The following DPP10 variants were observed in gnomAD, a reference collection of about 807,000 sequenced individuals.
The protein encoded by DPP10 is inactive dipeptidyl peptidase 10.
In DPP10, 33 loss-of-function variants were observed where a neutral mutation model predicts 120.9. The observed-to-expected ratio is 0.27, with a 90% CI of 0.21 to 0.37. DPP10 has a LOEUF of 0.37. DPP10 is among the 10% of genes least tolerant of loss of function. The probability of loss-of-function intolerance (pLI) is 1.00; values close to 1 mark genes in which losing one functional copy is unlikely to be tolerated. For missense variants in DPP10, 816 were observed against 942.8 expected, an observed-to-expected ratio of 0.87 and a Z score of 1.76; for synonymous variants, 337 against 326.1, an observed-to-expected ratio of 1.03 and a Z score of -0.36.
chr2:115,111,753 TC>T (rs1024927772), intron 1 of DPP10, among the ~76,000 whole-genome samples: 20 of 152,186 alleles, frequency 1.3e-4, no homozygotes, highest in Admixed American at 8.5e-4. Context: ...ATAGGATCCA[TC>T]CAGAGCAATC....
chr2:115,772,022 G>A (rs1243840417), intron 13 of DPP10, among the ~76,000 whole-genome samples: 1 of 151,056 alleles, frequency 6.6e-6, no homozygotes, highest in South Asian at 2.1e-4. Flanking sequence ...TCATTTACAA[G>A]AGCTGTCCTT....
intron 1 of DPP10, among the ~76,000 whole-genome samples, chr2:114,873,295 T>C (rs1398232176): frequency 1.3e-5 from 2 of 152,112 alleles, no homozygotes; most frequent in East Asian, 1.9e-4. Flanking sequence ...ATTGATGAAA[T>C]GGCAGAGGAT....
intron 5 of DPP10, among the ~76,000 whole-genome samples, chr2:115,648,837 A>G (rs1204563779): frequency 2.0e-5 from 3 of 151,964 alleles, no homozygotes; most frequent in South Asian, 4.1e-4. Context: ...TAGGAGTCAT[A>G]TGGAGGATTC....
chr2:115,010,627 T>C (rs996252266), intron 1 of DPP10, among the ~76,000 whole-genome samples: 1 of 152,198 alleles, frequency 6.6e-6, no homozygotes, highest in Non-Finnish European at 1.5e-5. Context: ...GTAGCTCAAC[T>C]GCTGTGATAA....
intron 3 of DPP10, among the ~76,000 whole-genome samples, chr2:115,391,185 C>T (rs565779379): frequency 2.0e-5 from 3 of 152,272 alleles, no homozygotes; most frequent in Admixed American, 2.0e-4. Flanking sequence ...GTATGCACTA[C>T]TTGAACATAT....
chr2:115,351,424 C>T (rs1240100688), intron 3 of DPP10, among the ~76,000 whole-genome samples: 7 of 151,974 alleles, frequency 4.6e-5, no homozygotes, highest in Admixed American at 6.6e-5. Flanking sequence ...TTGGGTACTA[C>T]GTTCACTATC....
chr2:115,260,150 A>G (rs2059189954), intron 1 of DPP10, among the ~76,000 whole-genome samples: 1 of 150,340 alleles, frequency 6.7e-6, no homozygotes, highest in African/African-American at 2.4e-5. Flanking sequence ...CACATTCTAT[A>G]TTATATTATA....
At chr2:114,828,487 G>T (rs1686766062) in intron 1 of DPP10, 1 of 152,062 alleles carries the variant, frequency 6.6e-6, no homozygotes, top group Admixed American at 6.6e-5. Flanking sequence ...ATATGCTTGT[G>T]GTAGAACTAC....
intron 2 of DPP10, among the ~76,000 whole-genome samples, chr2:115,340,183 A>G (rs2063374576): frequency 6.6e-6 from 1 of 152,218 alleles, no homozygotes; most frequent in Admixed American, 6.6e-5. Flanking sequence ...ATGTTTACAG[A>G]TGCTATAATT....
chr2:115,005,524 G>T (rs528515689), intron 1 of DPP10, among the ~76,000 whole-genome samples: 10 of 151,706 alleles, frequency 6.6e-5, no homozygotes, highest in African/African-American at 1.7e-4. Context: ...GTGCTTAAAG[G>T]AGCTGATGGA....
intron 1 of DPP10, among the ~76,000 whole-genome samples, chr2:114,765,041 G>A (rs909319701): frequency 6.6e-6 from 1 of 152,024 alleles, no homozygotes; most frequent in Non-Finnish European, 1.5e-5. Context: ...GGTCCATATT[G>A]GGGCCATCAT....
intron 5 of DPP10, among the ~76,000 whole-genome samples, chr2:115,574,864 C>T (rs1038359477): frequency 6.6e-6 from 1 of 152,244 alleles, no homozygotes; most frequent in South Asian, 2.1e-4. Flanking sequence ...TTGTCCGTGG[C>T]GGCTTGTTTA....
At position 115,313,585 on chromosome 2, in the gene DPP10, T is replaced by G. The variant is rs1458663677; in HGVS notation, c.175+4232T>G. Among the ~76,000 whole-genome samples, 5 of 152,194 alleles carry G rather than the reference T, an allele frequency of 3.3e-5. No homozygotes were observed. The South Asian group carries it at 1.0e-3, about 31-fold the overall frequency. On this transcript the variant is annotated intron_variant, in intron 2 of 25. Transcript: ENST00000410059. ...AGAAATGTTTTAGAAACTGTTTTAC[T>G]CAAAATAGCACACAATTTGCAGGTA...
At chr2:114,571,128 C>T (rs145885184) in intron 1 of DPP10, among the ~76,000 whole-genome samples, 139 of 152,162 alleles carry the variant, frequency 9.1e-4, no homozygotes, top group African/African-American at 3.2e-3. Context: ...CGTGCCCCCA[C>T]CCAAATCTCA....
chr2:115,120,955 A>G (rs1444345444), intron 1 of DPP10, among the ~76,000 whole-genome samples: 10 of 152,230 alleles, frequency 6.6e-5, no homozygotes. Flanking sequence ...TGCAAGTACT[A>G]CGAAGAGGGA....
At chr2:115,482,916 T>C (rs2075527343) in intron 3 of DPP10, among the ~76,000 whole-genome samples, 1 of 152,100 alleles carries the variant, frequency 6.6e-6, no homozygotes, top group Non-Finnish European at 1.5e-5. Context: ...ATCCAGTTTA[T>C]ATATGAATTC....
intron 1 of DPP10, among the ~76,000 whole-genome samples, chr2:115,286,990 G>T (rs1185768194): frequency 6.6e-6 from 1 of 151,966 alleles, no homozygotes; most frequent in Non-Finnish European, 1.5e-5. Flanking sequence ...ATTCAAGAAT[G>T]TACTGAAATA....
At chr2:115,032,573 A>G (rs1423745243) in intron 1 of DPP10, among the ~76,000 whole-genome samples, 2 of 152,106 alleles carry the variant, frequency 1.3e-5, no homozygotes, top group African/African-American at 4.8e-5. Flanking sequence ...AGCAAGTTCC[A>G]TCTACACTTA....
chr2:114,753,284 C>A (rs1240497780), intron 1 of DPP10, among the ~76,000 whole-genome samples: 4 of 152,140 alleles, frequency 2.6e-5, no homozygotes, highest in African/African-American at 9.7e-5. Context: ...GCTTGCCAAC[C>A]CCCTCCCACA....
Sources: allele counts gnomAD v4.1 joint callset (sites outside exome capture counted in the v4.1 genomes callset), GRCh38; gene constraint gnomAD v4.1.1; transcripts MANE v1.5; gene names NCBI Gene and HGNC (gene_info 2026-07-23, HGNC 2026-07-21).